Variants in PPP2R2B observed in about 807,000 individuals in gnomAD.
PPP2R2B encodes the protein protein phosphatase 2 regulatory subunit Bbeta, also known as serine/threonine-protein phosphatase 2A 55 kDa regulatory subunit B beta isoform.
A neutral mutation model predicts 46.0 loss-of-function variants in PPP2R2B; 5 were observed. The ratio of observed to expected loss-of-function variants is 0.11; its 90% CI spans 0.06 to 0.23. PPP2R2B has a LOEUF of 0.23. PPP2R2B is among the 10% of genes least tolerant of loss of function. PPP2R2B has a pLI of 1.00. For missense variants in PPP2R2B, 367 were observed against 575.0 expected (o/e 0.64, Z 3.70); for synonymous variants, 215 against 206.7 (o/e 1.04, Z -0.34).
At chr5:147,080,118 C>T (rs60241637) in intron 2 of PPP2R2B, among the ~76,000 whole-genome samples, 5,330 of 152,300 alleles carry the variant, frequency 0.035, 178 homozygotes, top group East Asian at 0.16. Flanking sequence ...TAAACTGCCT[C>T]TTTCAAATTC....
exon 1 of PPP2R2B, chr5:147,081,288 G>C: frequency 6.5e-7 from 1 of 1,535,668 alleles, no homozygotes; most frequent in Non-Finnish European, 8.7e-7. Context: ...AGAGACCCTA[G>C]TGAGTCCTGA....
At chr5:146,865,170 T>C (rs556380306) in intron 2 of PPP2R2B, among the ~76,000 whole-genome samples, 6 of 152,320 alleles carry the variant, frequency 3.9e-5, no homozygotes, top group Admixed American at 2.0e-4. Context: ...GGTTCAACTA[T>C]AGAATATCAT....
At chr5:146,886,036 G>A (rs866059696) in intron 1 of PPP2R2B, among the ~76,000 whole-genome samples, 1 of 152,192 alleles carries the variant, frequency 6.6e-6, no homozygotes, top group Middle Eastern at 3.4e-3. Context: ...TGTTGAAAAT[G>A]TTCTAAAATT....
At chr5:146,751,578 T>C (rs144989656) in intron 2 of PPP2R2B, 1 of 152,358 alleles carries the variant, frequency 6.6e-6, no homozygotes, top group African/African-American at 2.4e-5. Flanking sequence ...GAACTGTTGA[T>C]TGAATAGAAA....
chr5:146,735,325 A>AC (rs928715121), intron 2 of PPP2R2B, among the ~76,000 whole-genome samples: 62 of 150,366 alleles, frequency 4.1e-4, no homozygotes, highest in South Asian at 8.6e-4. Context: ...TCCCACCAAA[A>AC]CCCCCCCCAC....
intron 6 of PPP2R2B, 129 bp downstream of exon 6, chr5:146,650,418 A>C: frequency 1.2e-6 from 1 of 809,204 alleles, no homozygotes; most frequent in Non-Finnish European, 1.9e-6. Flanking sequence ...GTGCCAGTGT[A>C]TTTTAAAAGG....
chr5:146,885,955 T>A (rs1270055482), intron 1 of PPP2R2B, among the ~76,000 whole-genome samples: 2 of 152,042 alleles, frequency 1.3e-5, no homozygotes, highest in Non-Finnish European at 2.9e-5. Context: ...GATTAGTGGT[T>A]GCCAGGGACT....
At chr5:146,843,869 G>A (rs1759817988) in intron 2 of PPP2R2B, among the ~76,000 whole-genome samples, 1 of 151,818 alleles carries the variant, frequency 6.6e-6, no homozygotes, top group African/African-American at 2.4e-5. Flanking sequence ...ATTTGGGTTG[G>A]TTCCAAGTCT....
intron 2 of PPP2R2B, among the ~76,000 whole-genome samples, chr5:146,818,446 C>T (rs1439099957): frequency 6.6e-6 from 1 of 152,122 alleles, no homozygotes; most frequent in Non-Finnish European, 1.5e-5. Flanking sequence ...TTTCTCCTCA[C>T]TCTTATTCCA....
At position 146,807,776 on chromosome 5, in the gene PPP2R2B, CTTTTTTTTTTTTTTTTTTTTT is replaced by C. The variant is rs10583721; in HGVS notation, c.70+70205_70+70225del. On this transcript the variant is annotated intron_variant, in intron 2 of 9. Coordinates refer to ENST00000394411, the MANE Select transcript of PPP2R2B (RefSeq NM_181675.4). ...TTGGTTAAACCTCCTGGGGTGCCTT[CTTTTTTTTTTTTTTTTTTTTT>C]TTTTTTTTTTTTTTTTTTGAGAAGA... Among the ~76,000 whole-genome samples, 147 of 36,944 alleles carry C rather than the reference CTTTTTTTTTTTTTTTTTTTTT, an allele frequency of 4.0e-3. 1 individual carries two copies. Among genetic ancestry groups the C allele is most frequent in the East Asian group, 0.018 (19 of 1,066 alleles). The allele number at this position is 36,944 out of a possible 152,430, so 24.2% of individuals were successfully genotyped here.
intron 2 of PPP2R2B, chr5:146,706,964 G>T: frequency 9.8e-7 from 1 of 1,022,906 alleles, no homozygotes; most frequent in Non-Finnish European, 1.5e-6. Context: ...GATATCGTCA[G>T]CCCTTCCAGG....
intron 7 of PPP2R2B, among the ~76,000 whole-genome samples, chr5:146,604,449 T>C (rs1178004840): frequency 6.6e-6 from 1 of 151,696 alleles, no homozygotes; most frequent in African/African-American, 2.4e-5. Flanking sequence ...TACCAGAAAA[T>C]AGAGACATTG....
rs564095665 is a variant in PPP2R2B at position 146,619,134 on chromosome 5, C to T, written c.791-18674G>A. On this transcript the variant is annotated intron_variant, in intron 7 of 9. Coordinates refer to ENST00000394411, the MANE Select transcript of PPP2R2B (RefSeq NM_181675.4). ...CACCAGAGTTGAATAACTCCTACCT[C>T]CAGGGTCCAGGCAGGTAGTGAAATA... 3.3e-5 allele frequency among the ~76,000 whole-genome samples: 5 copies of T among 152,126 alleles called. No individual in the cohort carries two copies. In the East Asian group the frequency reaches 9.7e-4, roughly 29 times the overall value.
At chr5:146,828,790 T>A (rs1337458226) in intron 2 of PPP2R2B, among the ~76,000 whole-genome samples, 2 of 152,222 alleles carry the variant, frequency 1.3e-5, no homozygotes, top group Non-Finnish European at 2.9e-5. Context: ...AAATCACATT[T>A]GATTTATCAC....
chr5:146,960,479 C>T (rs1229928962), intron 1 of PPP2R2B, among the ~76,000 whole-genome samples: 3 of 151,920 alleles, frequency 2.0e-5, no homozygotes, highest in Non-Finnish European at 2.9e-5. Flanking sequence ...TAGTAGAGAG[C>T]GGGTTTCACC....
Position 146,581,630 on chromosome 5 carries a change from A to C in PPP2R2B, c.*8317T>G, listed in dbSNP as rs1367593627. 1 of 152,142 alleles carries C rather than the reference A, an allele frequency of 6.6e-6. No homozygotes were observed. The highest frequency in any genetic ancestry group is 1.5e-5 in the Non-Finnish European group (1 of 68,044). The allele number at this position is 152,142 out of a possible 1,614,324, so 9.4% of individuals were successfully genotyped here. Reference sequence around the variant, plus strand: ...GGTTTAAATAAATGCACCATTGACCACCTTCTGCCTTTTTCCTGTTAGAGT... The same window carrying C: ...GGTTTAAATAAATGCACCATTGACCCCCTTCTGCCTTTTTCCTGTTAGAGT... On this transcript the variant is annotated 3_prime_UTR_variant, in exon 10 of 10. Transcript: ENST00000394411.
intron 2 of PPP2R2B, among the ~76,000 whole-genome samples, chr5:146,861,856 GTTT>G (rs71581881): frequency 1.3e-3 from 48 of 36,702 alleles, no homozygotes; most frequent in African/African-American, 8.9e-3. Context: ...ATACAGCATT[GTTT>G]TTTTTTTTTT....
chr5:146,952,313 A>G (rs1391957902), intron 1 of PPP2R2B, among the ~76,000 whole-genome samples: 1 of 151,940 alleles, frequency 6.6e-6, no homozygotes, highest in African/African-American at 2.4e-5. Context: ...TTCTCCATCC[A>G]TTCACTCTTT....
At chr5:147,010,674 C>G (rs79355475) in intron 1 of PPP2R2B, among the ~76,000 whole-genome samples, 1 of 152,148 alleles carries the variant, frequency 6.6e-6, no homozygotes, top group South Asian at 2.1e-4. Flanking sequence ...TGAAGCTTCA[C>G]TTTGCTTGCC....
Sources: allele counts gnomAD v4.1 joint callset (sites outside exome capture counted in the v4.1 genomes callset), GRCh38; gene constraint gnomAD v4.1.1; transcripts MANE v1.5; gene names NCBI Gene and HGNC (gene_info 2026-07-23, HGNC 2026-07-21).